ARHGAP40: variants seen among roughly 807,000 people sequenced by gnomAD.
ARHGAP40 encodes rho GTPase-activating protein 40.
A neutral mutation model predicts 73.5 loss-of-function variants in ARHGAP40; 43 were observed. The observed-to-expected ratio is 0.58, with a 90% confidence interval of 0.46 to 0.75. The LOEUF (loss-of-function observed/expected upper bound fraction) is 0.75. Ranked by LOEUF, ARHGAP40 falls within the 30% of genes least tolerant of loss-of-function variation. The pLI, the probability that ARHGAP40 is intolerant of heterozygous loss-of-function variation, is 0.00. For synonymous variants in ARHGAP40, 300 were observed against 352.8 expected, an observed-to-expected ratio of 0.85 and a Z score of 1.68; for missense variants, 734 against 861.8, an observed-to-expected ratio of 0.85 and a Z score of 1.86.
At chr20:38,625,454 T>C (rs2088893963) in intron 2 of ARHGAP40, among the ~76,000 whole-genome samples, 1 of 152,162 alleles carries the variant, frequency 6.6e-6, no homozygotes, top group South Asian at 2.1e-4. Flanking sequence ...AGTTTCACTC[T>C]GTCACCCAGA....
chr20:38,617,588 G>A (rs868021669), intron 1 of ARHGAP40, among the ~76,000 whole-genome samples: 4 of 152,126 alleles, frequency 2.6e-5, no homozygotes, highest in African/African-American at 9.7e-5. Flanking sequence ...CACCTAGGGG[G>A]AAAGTTCATG....
In ARHGAP40 at chr20:38,646,409, A is replaced by G. The variant is rs907201652; in HGVS notation, c.1710+222A>G. On this transcript the variant is annotated intron_variant, in intron 12 of 14. Transcript: ENST00000373345. This position sits in a 1 kb window ranked among gnomAD's most constrained non-coding sequence, Gnocchi z 4.5. ...GGGGAGGGGAAATGGAGTGACTCGG[A>G]GACTTCCCCTAGAAACCGTCACCGC... is the stretch of plus-strand genomic sequence containing the variant. Among the ~76,000 whole-genome samples the G allele has an allele frequency of 8.5e-5, 13 of 152,140 alleles. No individual in the cohort carries two copies. The highest frequency in any genetic ancestry group is 3.1e-4 in the African/African-American group (13 of 41,444).
rs546419626 is a variant in ARHGAP40, at chr20:38,646,742, G to A, written c.1711-215G>A. Reference sequence around the variant, plus strand: ...GTACAAGTGCACCGACACAGGCATAGAAACACAAACATAGGCATAGAAACA... The same window carrying A: ...GTACAAGTGCACCGACACAGGCATAAAAACACAAACATAGGCATAGAAACA... On this transcript the variant is annotated intron_variant, in intron 12 of 14. Coordinates refer to ENST00000373345, the Ensembl canonical transcript of ARHGAP40. The surrounding 1 kb of genome is among the most constrained non-coding windows in gnomAD (Gnocchi z 4.5). Among the ~76,000 whole-genome samples, 2 of 152,272 alleles carry A rather than the reference G, an allele frequency of 1.3e-5. No homozygotes were observed. The highest frequency in any genetic ancestry group is 2.1e-4 in the South Asian group (1 of 4,816).
chr20:38,640,158 T>TCC (rs1568611170), intron 9 of ARHGAP40, among the ~76,000 whole-genome samples: 3 of 144,592 alleles, frequency 2.1e-5, no homozygotes, highest in African/African-American at 5.5e-5. Flanking sequence ...TTCCTCTTCT[T>TCC]TCTTCTTTCT....
chr20:38,606,492 T>C (rs2088771191), intron 1 of ARHGAP40, among the ~76,000 whole-genome samples: 1 of 152,208 alleles, frequency 6.6e-6, no homozygotes, highest in Non-Finnish European at 1.5e-5. Flanking sequence ...GACATTATTG[T>C]TCATTTTTAG....
At chr20:38,649,897 T>C in exon 15 of ARHGAP40, 2 of 1,228,164 alleles carry the variant, frequency 1.6e-6, no homozygotes, top group Non-Finnish European at 2.2e-6. Context: ...TCTCCCCTGC[T>C]GGCTCTGTGT....
At chr20:38,642,136 G>A (rs1039133260) in intron 10 of ARHGAP40, among the ~76,000 whole-genome samples, 3 of 152,204 alleles carry the variant, frequency 2.0e-5, no homozygotes, top group African/African-American at 4.8e-5. Flanking sequence ...ACTTCTCAAA[G>A]CCTTTGGTAT....
rs367935335 is a variant in ARHGAP40 at position 38,637,444 on chromosome 20, C to T, written c.950-264C>T. Among the ~76,000 whole-genome samples, 5 of 151,718 alleles carry T rather than the reference C, an allele frequency of 3.3e-5. No individual in the cohort carries two copies. In the South Asian group the frequency reaches 6.2e-4, roughly 19 times the overall value. Reference sequence around the variant, plus strand: ...GATTACAGGCTTGAGCCACTGCACCCGGCCCTTTCAATACTTCTTTAACCA... The same window carrying T: ...GATTACAGGCTTGAGCCACTGCACCTGGCCCTTTCAATACTTCTTTAACCA... On this transcript the variant is annotated intron_variant, in intron 6 of 14. Transcript: ENST00000373345.
intron 1 of ARHGAP40, among the ~76,000 whole-genome samples, chr20:38,605,011 T>C (rs1406260731): frequency 6.6e-6 from 1 of 152,018 alleles, no homozygotes; most frequent in Non-Finnish European, 1.5e-5. Context: ...AATGTTCTTG[T>C]GTATTGGCTC....
intron 2 of ARHGAP40, among the ~76,000 whole-genome samples, chr20:38,624,665 T>C (rs974957573): frequency 6.6e-6 from 1 of 152,200 alleles, no homozygotes; most frequent in African/African-American, 2.4e-5. Flanking sequence ...CTCTGCTCCC[T>C]TGGCCTCAAA....
intron 5 of ARHGAP40, among the ~76,000 whole-genome samples, chr20:38,633,593 C>G (rs6070830): frequency 2.0e-5 from 3 of 152,054 alleles, no homozygotes; most frequent in African/African-American, 7.2e-5. Flanking sequence ...ATTTGAACCC[C>G]GGGGGATGTG....
At position 38,646,219 on chromosome 20, in the gene ARHGAP40, AG is replaced by A. The variant is rs990027165; in HGVS notation, c.1710+35del. On this transcript the variant is annotated intron_variant, in intron 12 of 14. Coordinates refer to ENST00000373345, the Ensembl canonical transcript of ARHGAP40. The surrounding 1 kb of genome is among the most constrained non-coding windows in gnomAD (Gnocchi z 4.5). ...GCCCCCGACCCCAGACAGGTGGAGAAGGGCCGAGGCGACAGGAGGGCACCTG... is the reference window on the plus strand; with the variant it reads ...GCCCCCGACCCCAGACAGGTGGAGAAGGCCGAGGCGACAGGAGGGCACCTG... 91 of 1,272,740 alleles carry A rather than the reference AG, an allele frequency of 7.1e-5. No individual in the cohort carries two copies. The highest frequency in any genetic ancestry group is 8.9e-5 in the Non-Finnish European group (86 of 969,324). The allele number at this position is 1,272,740 out of a possible 1,614,324, so 78.8% of individuals were successfully genotyped here.
chr20:38,640,145 T>TTCTTTCTTCTTCC (rs2089007514), intron 9 of ARHGAP40, among the ~76,000 whole-genome samples: 2 of 54,820 alleles, frequency 3.6e-5, no homozygotes, highest in African/African-American at 8.0e-5. Context: ...TTCTTCTTTC[T>TTCTTTCTTCTTCC]TCTTCCTCTT....
At chr20:38,637,385 G>A (rs547561456) in intron 6 of ARHGAP40, among the ~76,000 whole-genome samples, 1 of 152,226 alleles carries the variant, frequency 6.6e-6, no homozygotes, top group African/African-American at 2.4e-5. Flanking sequence ...CTGACCTCAG[G>A]TGATCCGCCT....
chr20:38,614,863 A>G, intron 1 of ARHGAP40: 1 of 1,072,956 alleles, frequency 9.3e-7, no homozygotes, highest in Non-Finnish European at 1.4e-6. Context: ...GTACCTCATC[A>G]CGTCCTGAGC....
At chr20:38,611,856 G>A (rs1409306531) in intron 1 of ARHGAP40, among the ~76,000 whole-genome samples, 2 of 151,790 alleles carry the variant, frequency 1.3e-5, no homozygotes, top group African/African-American at 2.4e-5. Flanking sequence ...TTACAGGCAC[G>A]AGCCACCGTG....
intron 1 of ARHGAP40, among the ~76,000 whole-genome samples, chr20:38,603,099 G>A (rs2088745514): frequency 6.6e-6 from 1 of 152,178 alleles, no homozygotes; most frequent in Non-Finnish European, 1.5e-5. Flanking sequence ...CCTGCAGCAG[G>A]AGACCCCCAT....
At chr20:38,643,448 A>C (rs2145614336) in intron 10 of ARHGAP40, among the ~76,000 whole-genome samples, 1 of 152,290 alleles carries the variant, frequency 6.6e-6, no homozygotes, top group South Asian at 2.1e-4. Context: ...TTGAAGTCTG[A>C]CCCAGTTGTC....
At chr20:38,650,326 G>A (rs1424330809) in exon 15 of ARHGAP40, 2 of 471,040 alleles carry the variant, frequency 4.2e-6, no homozygotes, top group African/African-American at 4.0e-5. Flanking sequence ...AGGTAGTTGG[G>A]GTCTTTTCCC....
Sources: gnomAD v4.1 joint callset for allele counts (sites outside exome capture counted in the v4.1 genomes callset) on GRCh38, gnomAD v4.1.1 for gene constraint, Gnocchi (gnomAD v3.1) non-coding constraint, MANE v1.5 for transcripts, NCBI Gene and HGNC (gene_info 2026-07-23, HGNC 2026-07-21) for gene names.